Variants in DPH6 observed in about 807,000 individuals in gnomAD.
DPH6 encodes the protein diphthamine biosynthesis 6.
In DPH6, 33 loss-of-function variants were observed where a neutral mutation model predicts 38.2. The observed-to-expected ratio is 0.86, with a 90% CI of 0.65 to 1.15. DPH6 has a LOEUF of 1.15. DPH6 is among the 50% of genes most tolerant of loss of function. DPH6 has a pLI of 0.00. For missense variants in DPH6, 325 were observed against 320.0 expected (o/e 1.02, Z -0.12); for synonymous variants, 108 against 103.0 (o/e 1.05, Z -0.30).
chr15:35,184,232 C>T, the DPH6 span, among the ~76,000 whole-genome samples: 3 of 152,184 alleles, frequency 2.0e-5, no homozygotes, highest in Non-Finnish European at 2.9e-5. Flanking sequence ...GCGATGGTTT[C>T]ATTCAGCCAA....
intron 3 of DPH6, among the ~76,000 whole-genome samples, chr15:35,456,495 A>G (rs531720043): frequency 1.4e-5 from 2 of 141,760 alleles, no homozygotes; most frequent in Non-Finnish European, 3.0e-5. Context: ...ATTTATTATT[A>G]TTTTTTTTTT....
chr15:35,389,938 G>A (rs565171618), intron 6 of DPH6, among the ~76,000 whole-genome samples: 3 of 152,088 alleles, frequency 2.0e-5, no homozygotes, highest in Non-Finnish European at 2.9e-5. Flanking sequence ...TCCTATCCTC[G>A]ATGGTCTTTA....
chr15:35,184,893 A>G, the DPH6 span, among the ~76,000 whole-genome samples: 1 of 152,318 alleles, frequency 6.6e-6, no homozygotes, highest in African/African-American at 2.4e-5. Flanking sequence ...AAGACAACTG[A>G]ACTTCCTTAG....
chr15:35,291,843 T>C (rs955452004), intron 3 of DPH6, among the ~76,000 whole-genome samples: 8 of 152,122 alleles, frequency 5.3e-5, no homozygotes, highest in Admixed American at 1.3e-4. Flanking sequence ...TATTTTTTTC[T>C]GGGTCTTATT....
At chr15:35,337,029 T>C (rs940576895) in intron 3 of DPH6, among the ~76,000 whole-genome samples, 2 of 152,162 alleles carry the variant, frequency 1.3e-5, no homozygotes, top group African/African-American at 2.4e-5. Flanking sequence ...TGGTACCAGT[T>C]CCTCCTTGTA....
chr15:35,426,112 A>G (rs1311358764), intron 5 of DPH6, among the ~76,000 whole-genome samples: 1 of 150,970 alleles, frequency 6.6e-6, no homozygotes, highest in Admixed American at 6.6e-5. Flanking sequence ...TTTGTATTTA[A>G]CTCTTTTTTT....
intron 3 of DPH6, among the ~76,000 whole-genome samples, chr15:35,260,762 A>C (rs1440140726): frequency 6.6e-6 from 1 of 151,954 alleles, no homozygotes; most frequent in Non-Finnish European, 1.5e-5. Flanking sequence ...TTCTGGTCTT[A>C]TGTTTTAGCC....
At chr15:35,492,706 C>T (rs1406856701) in intron 3 of DPH6, among the ~76,000 whole-genome samples, 1 of 152,100 alleles carries the variant, frequency 6.6e-6, no homozygotes, top group Non-Finnish European at 1.5e-5. Flanking sequence ...ATAAGGTATG[C>T]TTTTCTATTT....
chr15:35,252,055 A>G (rs990421054), intron 3 of DPH6, among the ~76,000 whole-genome samples: 1 of 152,226 alleles, frequency 6.6e-6, no homozygotes, highest in African/African-American at 2.4e-5. Flanking sequence ...CAGGAGGTAG[A>G]GGTTGCAGTG....
At chr15:35,197,517 C>T in the DPH6 span, among the ~76,000 whole-genome samples, 1 of 152,242 alleles carries the variant, frequency 6.6e-6, no homozygotes, top group Admixed American at 6.5e-5. Flanking sequence ...AAAAATGAGA[C>T]AAGACAGTAA....
intron 3 of DPH6, among the ~76,000 whole-genome samples, chr15:35,518,562 A>G (rs753365093): frequency 1.7e-4 from 26 of 152,018 alleles, no homozygotes; most frequent in Non-Finnish European, 7.4e-5. Context: ...AATTTCTACT[A>G]AAATAAAGAT....
intron 3 of DPH6, among the ~76,000 whole-genome samples, chr15:35,344,515 G>C (rs1271876401): frequency 6.6e-6 from 1 of 151,856 alleles, no homozygotes. Flanking sequence ...AGACTTAAAA[G>C]GATGTTACAA....
intron 3 of DPH6, among the ~76,000 whole-genome samples, chr15:35,474,728 TAGTA>T (rs1428080561): frequency 2.6e-5 from 4 of 152,086 alleles, no homozygotes; most frequent in Non-Finnish European, 4.4e-5. Flanking sequence ...CAGCATTACT[TAGTA>T]AGTATCAGCC....
At chr15:35,436,504 C>CAAAAAAAAAAAAAAAAAAAAAAAAA (rs371533654) in intron 5 of DPH6, among the ~76,000 whole-genome samples, 1 of 108,214 alleles carries the variant, frequency 9.2e-6, no homozygotes, top group African/African-American at 4.3e-5. Flanking sequence ...CAAAACAAAA[C>CAAAAAAAAAAAAAAAAAAAAAAAAA]AAAACAAAAC....
intron 3 of DPH6, among the ~76,000 whole-genome samples, chr15:35,498,051 A>G (rs73382744): frequency 0.093 from 14,135 of 152,186 alleles, 902 homozygotes; most frequent in African/African-American, 0.18. Context: ...TTTACTTTCA[A>G]TAGGTTGAGC....
Position 35,420,591 on chromosome 15 carries a change from A to T in DPH6, c.506-9695T>A, listed in dbSNP as rs377130126. Among the ~76,000 whole-genome samples, 9 of 152,270 alleles carry T rather than the reference A, an allele frequency of 5.9e-5. No homozygotes were observed. In the East Asian group the frequency reaches 1.4e-3, roughly 23 times the overall value. On this transcript the variant is annotated intron_variant, in intron 5 of 8. Transcript: ENST00000256538. ...GAGTGCAGTGGCACGACCTCAGCCC[A>T]CTGCAACCTCCGCCTCCTGGGATCA...
At chr15:35,531,422 T>C (rs2141535773) in intron 3 of DPH6, among the ~76,000 whole-genome samples, 1 of 152,280 alleles carries the variant, frequency 6.6e-6, no homozygotes, top group East Asian at 1.9e-4. Flanking sequence ...TTGCCAATGG[T>C]TTTATATCAC....
intron 3 of DPH6, among the ~76,000 whole-genome samples, chr15:35,319,939 A>G (rs2052225414): frequency 6.6e-6 from 1 of 152,130 alleles, no homozygotes; most frequent in South Asian, 2.1e-4. Context: ...AAAGGAAAAG[A>G]AATGATGTTA....
downstream of DPH6, among the ~76,000 whole-genome samples, chr15:35,328,027 G>C (rs2052298883): frequency 6.6e-6 from 1 of 152,102 alleles, no homozygotes; most frequent in Non-Finnish European, 1.5e-5. Context: ...CAACGTAAGA[G>C]CTTCTCTGTT....
Sources: allele counts gnomAD v4.1 joint callset (sites outside exome capture counted in the v4.1 genomes callset), GRCh38; gene constraint gnomAD v4.1.1; transcripts MANE v1.5; gene names NCBI Gene and HGNC (gene_info 2026-07-23, HGNC 2026-07-21).